Variants in GRIP1 observed in about 807,000 individuals in gnomAD.
GRIP1 encodes glutamate receptor interacting protein 1.
GRIP1 carries 45 observed loss-of-function variants against 129.9 expected under a neutral mutation model. That is an observed-to-expected ratio of 0.35 (90% CI 0.27 to 0.44). GRIP1 has a LOEUF of 0.44. Among genes scored for constraint, GRIP1 ranks in the 20% least tolerant of loss-of-function variants. GRIP1 has a pLI of 1.00. For synonymous variants in GRIP1, 530 were observed against 520.8 expected (o/e 1.02, Z -0.24); for missense variants, 1,196 against 1,396.8 (o/e 0.86, Z 2.29).
intron 1 of GRIP1, among the ~76,000 whole-genome samples, chr12:66,783,966 A>T (rs1468225442): frequency 6.6e-6 from 1 of 152,132 alleles, no homozygotes; most frequent in Non-Finnish European, 1.5e-5. Context: ...CTTTCAATTC[A>T]TTCATATTGT....
chr12:66,743,848 G>A (rs1592799936), intron 1 of GRIP1, among the ~76,000 whole-genome samples: 1 of 152,176 alleles, frequency 6.6e-6, no homozygotes. Context: ...TGAAATCTTT[G>A]TAGAGGACCT....
intron 5 of GRIP1, among the ~76,000 whole-genome samples, chr12:66,525,785 T>A (rs1049137179): frequency 6.6e-6 from 1 of 152,102 alleles, no homozygotes; most frequent in African/African-American, 2.4e-5. Context: ...GAAAACCCCA[T>A]CGTCTCAGCC....
chr12:66,659,956 A>C (rs2033396090), intron 1 of GRIP1, among the ~76,000 whole-genome samples: 1 of 152,176 alleles, frequency 6.6e-6, no homozygotes, highest in Non-Finnish European at 1.5e-5. Context: ...AAAATAAACA[A>C]AGGGTTGTTT....
At chr12:66,365,878 A>C (rs1347374111) in intron 23 of GRIP1, among the ~76,000 whole-genome samples, 1 of 152,144 alleles carries the variant, frequency 6.6e-6, no homozygotes, top group Admixed American at 6.5e-5. Context: ...ACCAGAAAAA[A>C]ATGCTATCTT....
At chr12:66,870,534 C>G (rs954221987) in intron 1 of GRIP1, among the ~76,000 whole-genome samples, 16 of 152,120 alleles carry the variant, frequency 1.1e-4, no homozygotes, top group African/African-American at 3.9e-4. Flanking sequence ...AACTGTTAGA[C>G]TGAAGTCAGT....
At chr12:66,449,408 G>C (rs1490852959) in intron 11 of GRIP1, among the ~76,000 whole-genome samples, 1 of 150,460 alleles carries the variant, frequency 6.6e-6, no homozygotes, top group African/African-American at 2.5e-5. Flanking sequence ...ATGGGGCAAG[G>C]GAGGGTGAAG....
At chr12:66,862,932 A>G (rs976082675) in intron 1 of GRIP1, among the ~76,000 whole-genome samples, 1 of 152,140 alleles carries the variant, frequency 6.6e-6, no homozygotes, top group Non-Finnish European at 1.5e-5. Flanking sequence ...AAATGATATA[A>G]TGATGAAACT....
intron 5 of GRIP1, among the ~76,000 whole-genome samples, chr12:66,523,511 A>C (rs1327350166): frequency 6.6e-6 from 1 of 151,988 alleles, no homozygotes; most frequent in Non-Finnish European, 1.5e-5. Flanking sequence ...GCCTGCCCTA[A>C]AAGAACTCCT....
At position 66,515,705 on chromosome 12, in the gene GRIP1, C is replaced by G; in HGVS notation, c.638G>C (p.Gly213Ala). 6.2e-7 allele frequency: 1 copy of G among 1,613,510 alleles called. No homozygotes were observed. Among genetic ancestry groups the G allele is most frequent in the Non-Finnish European group, 8.5e-7 (1 of 1,179,464 alleles). ...ACTCATGGCTTCAGCATGCGTAGTTCCAAGAAGCCGAATTCCATCCACACT... is the reference window on the plus strand; with the variant it reads ...ACTCATGGCTTCAGCATGCGTAGTTGCAAGAAGCCGAATTCCATCCACACT... Reference protein sequence around the residue: ...LLSVDGIRLLGTTHAEAMSIL... With the variant: ...LLSVDGIRLLATTHAEAMSIL... Residue 213 changes from glycine (G) to alanine (A), a missense_variant, in exon 7 of 25, where the codon GGA (glycine) becomes GCA (alanine). Gly to Ala is a moderately conservative substitution (Grantham distance 60). Coordinates refer to ENST00000359742, the MANE Select transcript of GRIP1 (RefSeq NM_001366722.1).
At chr12:66,529,394 C>G (rs56201070) in intron 5 of GRIP1, among the ~76,000 whole-genome samples, 14,421 of 152,168 alleles carry the variant, frequency 0.095, 834 homozygotes, top group Non-Finnish European at 0.13. Context: ...AGCCCAAATA[C>G]CCATCAATCA....
At chr12:66,363,199 CCA>C (rs1491304822) in intron 23 of GRIP1, among the ~76,000 whole-genome samples, 2,099 of 35,300 alleles carry the variant, frequency 0.059, 263 homozygotes, top group African/African-American at 0.14. Flanking sequence ...GTGTGTGTGT[CCA>C]TATATATATA....
At chr12:66,482,494 T>G (rs1426263386) in intron 7 of GRIP1, among the ~76,000 whole-genome samples, 2 of 152,224 alleles carry the variant, frequency 1.3e-5, no homozygotes, top group African/African-American at 4.8e-5. Context: ...CTACGAATGT[T>G]AATGTTTAAT....
intron 1 of GRIP1, among the ~76,000 whole-genome samples, chr12:66,744,365 C>T (rs1381806598): frequency 6.6e-6 from 1 of 152,092 alleles, no homozygotes; most frequent in African/African-American, 2.4e-5. Context: ...TATTAGCCTG[C>T]TCTTTTTAGG....
At chr12:66,814,416 T>C (rs868521814) in intron 1 of GRIP1, among the ~76,000 whole-genome samples, 13 of 152,292 alleles carry the variant, frequency 8.5e-5, no homozygotes, top group Middle Eastern at 3.4e-3. Flanking sequence ...TTATAGCTGC[T>C]TCTTATGAAA....
At chr12:66,417,540 A>C (rs1226923093) in intron 15 of GRIP1, among the ~76,000 whole-genome samples, 1 of 152,152 alleles carries the variant, frequency 6.6e-6, no homozygotes, top group Non-Finnish European at 1.5e-5. Context: ...ATTTGGAAAA[A>C]CCTGAAGACT....
At chr12:66,973,061 T>G (rs1439011757) in intron 1 of GRIP1, among the ~76,000 whole-genome samples, 1 of 152,170 alleles carries the variant, frequency 6.6e-6, no homozygotes, top group African/African-American at 2.4e-5. Context: ...GTGCCTAGGC[T>G]TGTTTCTATT....
At chr12:66,825,411 A>C (rs150041444) in intron 1 of GRIP1, among the ~76,000 whole-genome samples, 1 of 152,306 alleles carries the variant, frequency 6.6e-6, no homozygotes, top group African/African-American at 2.4e-5. Context: ...AAAGGGCATT[A>C]GCTGCCTTCT....
chr12:66,843,310 A>G (rs1921006), intron 1 of GRIP1, among the ~76,000 whole-genome samples: 23,675 of 152,054 alleles, frequency 0.16, 2,009 homozygotes, highest in East Asian at 0.37. Flanking sequence ...CAAATAAATG[A>G]CAAGGTATCT....
chr12:66,728,723 G>A (rs2036334568), intron 1 of GRIP1, among the ~76,000 whole-genome samples: 1 of 152,158 alleles, frequency 6.6e-6, no homozygotes, highest in African/African-American at 2.4e-5. Context: ...TAGGCAAGCA[G>A]TAAGCCTATA....
Sources: allele counts gnomAD v4.1 joint callset (sites outside exome capture counted in the v4.1 genomes callset), GRCh38; gene constraint gnomAD v4.1.1; transcripts MANE v1.5; gene names NCBI Gene and HGNC (gene_info 2026-07-23, HGNC 2026-07-21).